Variants in NRXN3 observed in about 807,000 individuals in gnomAD.
NRXN3 encodes the protein neurexin 3.
Under a neutral mutation model 137.6 loss-of-function variants are expected in NRXN3, and 32 were observed. That is an observed-to-expected ratio of 0.23 (90% CI 0.18 to 0.31). The LOEUF is 0.31. Among genes scored for constraint, NRXN3 ranks in the 10% least tolerant of loss-of-function variants. The pLI is 1.00. For missense variants in NRXN3, 1,574 were observed against 2,062.5 expected (o/e 0.76, Z 4.59); for synonymous variants, 798 against 784.5 (o/e 1.02, Z -0.29).
intron 8 of NRXN3, among the ~76,000 whole-genome samples, chr14:78,747,027 TCC>T (rs1275680659): frequency 6.6e-6 from 1 of 152,118 alleles, no homozygotes; most frequent in Admixed American, 6.6e-5. Flanking sequence ...GTAGGTAAGC[TCC>T]CAGGGCAGGT....
In NRXN3 at chr14:79,326,603, T is replaced by G. The variant is rs189515507; in HGVS notation, c.3263-140618T>G. 1.9e-3 allele frequency among the ~76,000 whole-genome samples: 286 copies of G among 152,250 alleles called. 1 individual carries two copies. Among genetic ancestry groups the G allele is most frequent in the African/African-American group, 6.4e-3 (267 of 41,558 alleles). ...CACTTGAAATAACAAGAAAGAATATTGTGGGACTCTGACCTTGGTCCGTTT... is the reference window on the plus strand; with the variant it reads ...CACTTGAAATAACAAGAAAGAATATGGTGGGACTCTGACCTTGGTCCGTTT... On this transcript the variant is annotated intron_variant, in intron 15 of 20. Transcript: ENST00000335750.
At chr14:78,354,112 A>G (rs1197337837) in intron 4 of NRXN3, among the ~76,000 whole-genome samples, 1 of 152,232 alleles carries the variant, frequency 6.6e-6, no homozygotes, top group African/African-American at 2.4e-5. Flanking sequence ...GAAAGCTACT[A>G]TTAATGAAAA....
intron 4 of NRXN3, among the ~76,000 whole-genome samples, chr14:78,564,501 A>G (rs1235017850): frequency 6.6e-6 from 1 of 152,148 alleles, no homozygotes; most frequent in African/African-American, 2.4e-5. Context: ...TTAGAAATTT[A>G]CCAGGCACCA....
intron 15 of NRXN3, among the ~76,000 whole-genome samples, chr14:79,201,784 A>G (rs961137005): frequency 5.9e-5 from 9 of 152,354 alleles, no homozygotes; most frequent in African/African-American, 2.2e-4. Context: ...TCTTGACAAC[A>G]TAAGAGTGAA....
chr14:78,321,804 C>T (rs577782876), intron 4 of NRXN3, among the ~76,000 whole-genome samples: 1 of 152,162 alleles, frequency 6.6e-6, no homozygotes, highest in African/African-American at 2.4e-5. Context: ...GGCTTCAAAA[C>T]ATTGCTGGTT....
At chr14:79,191,513 T>G (rs1333147631) in intron 15 of NRXN3, among the ~76,000 whole-genome samples, 5 of 152,218 alleles carry the variant, frequency 3.3e-5, no homozygotes, top group South Asian at 2.1e-4. Context: ...TGTTCCCACT[T>G]ACATTGGGGT....
At chr14:78,491,386 G>A (rs2095664927) in intron 4 of NRXN3, among the ~76,000 whole-genome samples, 1 of 152,144 alleles carries the variant, frequency 6.6e-6, no homozygotes, top group African/African-American at 2.4e-5. Context: ...GTTGGGGCAG[G>A]GGATGCGCTC....
At chr14:79,640,120 G>C (rs564548142) in intron 16 of NRXN3, among the ~76,000 whole-genome samples, 1 of 135,432 alleles carries the variant, frequency 7.4e-6, no homozygotes, top group East Asian at 2.0e-4. Context: ...ATTTACATAA[G>C]CCAGGGAGGC....
intron 16 of NRXN3, among the ~76,000 whole-genome samples, chr14:79,589,778 C>G (rs2097788835): frequency 6.6e-6 from 1 of 151,854 alleles, no homozygotes; most frequent in East Asian, 1.9e-4. Context: ...CATTAAACAC[C>G]AAATTGCTCA....
At chr14:79,578,238 G>T (rs2097683037) in intron 16 of NRXN3, among the ~76,000 whole-genome samples, 1 of 152,176 alleles carries the variant, frequency 6.6e-6, no homozygotes, top group Non-Finnish European at 1.5e-5. Context: ...CAAAGTGAGA[G>T]AGCTCCAGAT....
At chr14:78,975,880 G>T (rs773540573) in intron 14 of NRXN3, among the ~76,000 whole-genome samples, 1 of 152,160 alleles carries the variant, frequency 6.6e-6, no homozygotes, top group Non-Finnish European at 1.5e-5. Flanking sequence ...CGACTTTCCT[G>T]GTTTCAGGCC....
At chr14:79,654,598 C>G (rs1402167967) in intron 16 of NRXN3, among the ~76,000 whole-genome samples, 2 of 152,152 alleles carry the variant, frequency 1.3e-5, no homozygotes, top group African/African-American at 2.4e-5. Context: ...CTGATCTCTG[C>G]TCTAGGCCAA....
intron 14 of NRXN3, among the ~76,000 whole-genome samples, chr14:78,982,672 G>C (rs1253369226): frequency 6.6e-6 from 1 of 152,120 alleles, no homozygotes; most frequent in Non-Finnish European, 1.5e-5. Flanking sequence ...TCAAATGTTA[G>C]ACCTGAAACT....
intron 15 of NRXN3, among the ~76,000 whole-genome samples, chr14:79,129,301 T>A (rs1304148982): frequency 6.7e-6 from 1 of 148,668 alleles, no homozygotes; most frequent in Non-Finnish European, 1.5e-5. Flanking sequence ...TCCTGCTTTC[T>A]CTTGTGGGCA....
At chr14:78,874,789 G>A (rs1303333823) in intron 10 of NRXN3, among the ~76,000 whole-genome samples, 1 of 152,154 alleles carries the variant, frequency 6.6e-6, no homozygotes, top group East Asian at 1.9e-4. Flanking sequence ...TCTGAATCAG[G>A]AGCCTGTGTT....
intron 15 of NRXN3, among the ~76,000 whole-genome samples, chr14:79,380,149 CTTTTTTTTT>C (rs949863265): frequency 2.0e-5 from 1 of 48,948 alleles, no homozygotes; most frequent in Non-Finnish European, 4.1e-5. Context: ...TATACTTCTT[CTTTTTTTTT>C]TTTTTTTTTG....
intron 1 of NRXN3, among the ~76,000 whole-genome samples, chr14:78,240,224 G>C (rs1479222893): frequency 1.3e-5 from 2 of 152,230 alleles, no homozygotes; most frequent in African/African-American, 4.8e-5. Context: ...TGAACCACTG[G>C]GGGTACCTGT....
intron 16 of NRXN3, among the ~76,000 whole-genome samples, chr14:79,581,471 C>T (rs1174943950): frequency 1.3e-5 from 2 of 152,184 alleles, no homozygotes; most frequent in African/African-American, 4.8e-5. Context: ...CTCCAGCTCC[C>T]TCCAGTACTC....
intron 15 of NRXN3, among the ~76,000 whole-genome samples, chr14:79,357,840 T>G (rs2093480601): frequency 6.6e-6 from 1 of 152,194 alleles, no homozygotes; most frequent in Admixed American, 6.5e-5. Flanking sequence ...CTTCTGTGCT[T>G]TAGGATTTTC....
Sources: gnomAD v4.1 joint callset for allele counts (sites outside exome capture counted in the v4.1 genomes callset) on GRCh38, gnomAD v4.1.1 for gene constraint, MANE v1.5 for transcripts, NCBI Gene and HGNC (gene_info 2026-07-23, HGNC 2026-07-21) for gene names.